The following CYP39A1 variants were observed in gnomAD, a reference collection of about 807,000 sequenced individuals.
CYP39A1 encodes the protein 24-hydroxycholesterol 7-alpha-hydroxylase.
CYP39A1 carries 49 observed loss-of-function variants against 58.1 expected under a neutral mutation model. The observed-to-expected ratio is 0.84, with a 90% confidence interval of 0.67 to 1.07. The LOEUF is 1.07. Among genes scored for constraint, CYP39A1 ranks in the 50% least tolerant of loss-of-function variants. CYP39A1 has a pLI of 0.00. For missense variants in CYP39A1, 531 were observed against 539.4 expected, an observed-to-expected ratio of 0.98 and a Z score of 0.16; for synonymous variants, 209 against 187.6, an observed-to-expected ratio of 1.11 and a Z score of -0.93.
In CYP39A1 at chr6:46,553,461, C is replaced by T. The variant is rs553272039; in HGVS notation, c.1338+306G>A. Among the ~76,000 whole-genome samples the T allele has an allele frequency of 8.5e-5, 13 of 152,190 alleles. No individual in the cohort carries two copies. In the South Asian group the frequency reaches 2.3e-3, roughly 27 times the overall value. On this transcript the variant is annotated intron_variant, in intron 11 of 11. Transcript: ENST00000275016. ...TCTAGAAAAATAAGGGCAAAGTGGG[C>T]GCCATGTTTATTTAACTCAGAGAAA...
chr6:46,613,878 A>G (rs967423638), intron 7 of CYP39A1, among the ~76,000 whole-genome samples: 11 of 151,034 alleles, frequency 7.3e-5, no homozygotes, highest in Non-Finnish European at 1.5e-4. Flanking sequence ...GCTGTCAATT[A>G]ATCTTTTACA....
intron 7 of CYP39A1, among the ~76,000 whole-genome samples, chr6:46,600,425 A>C (rs560004499): frequency 1.9e-4 from 29 of 151,970 alleles, no homozygotes; most frequent in Non-Finnish European, 2.9e-4. Context: ...CCAGCAAATA[A>C]GCCCCTTTCG....
intron 8 of CYP39A1, among the ~76,000 whole-genome samples, chr6:46,593,388 T>C (rs1214041498): frequency 1.3e-5 from 2 of 151,918 alleles, no homozygotes; most frequent in Non-Finnish European, 2.9e-5. Flanking sequence ...GACTAATACA[T>C]GAGGTTAAAA....
chr6:46,622,248 G>A (rs1775000564), intron 7 of CYP39A1, among the ~76,000 whole-genome samples: 1 of 152,092 alleles, frequency 6.6e-6, no homozygotes, highest in African/African-American at 2.4e-5. Context: ...GGACTAGACA[G>A]TGTTGATGGT....
intron 7 of CYP39A1, among the ~76,000 whole-genome samples, chr6:46,597,275 C>T (rs1028566109): frequency 1.3e-5 from 2 of 152,056 alleles, no homozygotes; most frequent in Non-Finnish European, 2.9e-5. Flanking sequence ...ATTACAATAA[C>T]TAAGGCGCAG....
At chr6:46,620,730 C>T (rs549232950) in intron 7 of CYP39A1, among the ~76,000 whole-genome samples, 3 of 152,238 alleles carry the variant, frequency 2.0e-5, no homozygotes, top group African/African-American at 7.2e-5. Flanking sequence ...GTGTTGAAGG[C>T]ATGGCCAACA....
chr6:46,601,364 A>G (rs1773489846), intron 7 of CYP39A1, among the ~76,000 whole-genome samples: 2 of 152,112 alleles, frequency 1.3e-5, no homozygotes, highest in Admixed American at 6.5e-5. Flanking sequence ...CCCTTTGTAA[A>G]TAAGACCAAG....
At chr6:46,651,327 T>C (rs903509918) in intron 1 of CYP39A1, among the ~76,000 whole-genome samples, 1 of 152,210 alleles carries the variant, frequency 6.6e-6, no homozygotes, top group African/African-American at 2.4e-5. Context: ...AAGTAAACTA[T>C]TGTATCCTCC....
At chr6:46,551,506 A>T (rs539496633) in intron 11 of CYP39A1, among the ~76,000 whole-genome samples, 45 of 152,328 alleles carry the variant, frequency 3.0e-4, no homozygotes, top group African/African-American at 1.1e-3. Context: ...TAGCATCAGG[A>T]CACTGCTGCC....
chr6:46,609,656 T>C (rs1190617953), intron 7 of CYP39A1, among the ~76,000 whole-genome samples: 1 of 152,130 alleles, frequency 6.6e-6, no homozygotes, highest in Non-Finnish European at 1.5e-5. Context: ...AGGACACATA[T>C]GTAAAATATA....
chr6:46,585,030 G>A (rs1037329623), intron 10 of CYP39A1, among the ~76,000 whole-genome samples: 2 of 152,094 alleles, frequency 1.3e-5, no homozygotes, highest in Non-Finnish European at 2.9e-5. Context: ...TAAGAGCTCA[G>A]CGTGCTCTAA....
intron 7 of CYP39A1, among the ~76,000 whole-genome samples, chr6:46,606,882 C>CT (rs1773881923): frequency 1.3e-5 from 2 of 152,110 alleles, no homozygotes; most frequent in Admixed American, 1.3e-4. Context: ...TGCTCCATAT[C>CT]TGTTATGTGC....
chr6:46,591,155 C>A (rs1032593667), intron 8 of CYP39A1, among the ~76,000 whole-genome samples: 67 of 152,074 alleles, frequency 4.4e-4, no homozygotes, highest in African/African-American at 1.6e-3. Flanking sequence ...TATCTGTAAT[C>A]TAACATTTCT....
chr6:46,610,166 T>G lies in CYP39A1; in HGVS notation c.932-14046A>C, dbSNP rs542382208. 1.2e-4 allele frequency among the ~76,000 whole-genome samples: 18 copies of G among 152,348 alleles called. No individual in the cohort carries two copies. In the East Asian group the frequency reaches 3.5e-3, roughly 29 times the overall value. ...AAACTATTTACCCACAGTTTTAGTT[T>G]TGAAAGAGAAGATTATAAAGTTGAT... On this transcript the variant is annotated intron_variant, in intron 7 of 11. Transcript: ENST00000275016.
chr6:46,582,688 G>T, intron 10 of CYP39A1, among the ~76,000 whole-genome samples: 1 of 151,180 alleles, frequency 6.6e-6, no homozygotes, highest in African/African-American at 2.4e-5. Context: ...GTTAAGTAGG[G>T]CTTTTTTTTT....
intron 7 of CYP39A1, among the ~76,000 whole-genome samples, chr6:46,612,471 C>T (rs1774272566): frequency 6.6e-6 from 1 of 152,092 alleles, no homozygotes; most frequent in South Asian, 2.1e-4. Context: ...TTTATAAATA[C>T]TTTTTTAAGT....
intron 2 of CYP39A1, among the ~76,000 whole-genome samples, chr6:46,640,737 C>G (rs770424327): frequency 3.3e-5 from 5 of 151,972 alleles, no homozygotes; most frequent in African/African-American, 4.8e-5. Context: ...GCACAGTACT[C>G]AATAGTTAGT....
intron 7 of CYP39A1, among the ~76,000 whole-genome samples, chr6:46,623,751 A>T (rs1364908066): frequency 6.6e-6 from 1 of 152,086 alleles, no homozygotes; most frequent in East Asian, 1.9e-4. Context: ...GGACACATGG[A>T]TATCTTCCTT....
At chr6:46,648,019 C>T (rs1762436857) in intron 1 of CYP39A1, among the ~76,000 whole-genome samples, 1 of 152,146 alleles carries the variant, frequency 6.6e-6, no homozygotes, top group Non-Finnish European at 1.5e-5. Context: ...ACAACAGGTG[C>T]TGGAGAGCAT....
Sources: gnomAD v4.1 joint callset for allele counts (sites outside exome capture counted in the v4.1 genomes callset) on GRCh38, gnomAD v4.1.1 for gene constraint, MANE v1.5 for transcripts, NCBI Gene and HGNC (gene_info 2026-07-23, HGNC 2026-07-21) for gene names.